The following RUNX2 variants were observed in gnomAD, a reference collection of about 807,000 sequenced individuals.
The protein encoded by RUNX2 is runt-related transcription factor 2.
Under a neutral mutation model 51.7 loss-of-function variants are expected in RUNX2, and 10 were observed. That is an observed-to-expected ratio of 0.19 (90% CI 0.12 to 0.33). The LOEUF (loss-of-function observed/expected upper bound fraction) is 0.33. RUNX2 is among the 10% of genes least tolerant of loss of function. The probability of loss-of-function intolerance (pLI) is 1.00; values close to 1 mark genes in which losing one functional copy is unlikely to be tolerated. For missense variants in RUNX2, 562 were observed against 691.3 expected, an observed-to-expected ratio of 0.81 and a Z score of 2.10; for synonymous variants, 276 against 273.6, an observed-to-expected ratio of 1.01 and a Z score of -0.09.
chr6:45,479,599 T>C (rs2150398936), intron 5 of RUNX2, among the ~76,000 whole-genome samples: 1 of 152,280 alleles, frequency 6.6e-6, no homozygotes, highest in African/African-American at 2.4e-5. Context: ...TATATGTACG[T>C]ATATGTGGAA....
At chr6:45,348,561 G>A (rs1479270201) in intron 2 of RUNX2, among the ~76,000 whole-genome samples, 1 of 148,576 alleles carries the variant, frequency 6.7e-6, no homozygotes, top group Non-Finnish European at 1.5e-5. Context: ...TGTAGTCCCA[G>A]CTACTCAGGA....
intron 5 of RUNX2, among the ~76,000 whole-genome samples, chr6:45,471,341 C>T (rs561144841): frequency 6.6e-6 from 1 of 152,104 alleles, no homozygotes; most frequent in East Asian, 1.9e-4. Context: ...GGGAATCATC[C>T]TCTTTCTAAG....
chr6:45,528,650 A>G (rs1276725226), intron 7 of RUNX2, among the ~76,000 whole-genome samples: 1 of 152,152 alleles, frequency 6.6e-6, no homozygotes, highest in Non-Finnish European at 1.5e-5. Context: ...TTCAATGGAA[A>G]GCATCATGCA....
At chr6:45,335,254 AT>A (rs1190139428) in intron 2 of RUNX2, among the ~76,000 whole-genome samples, 1 of 151,342 alleles carries the variant, frequency 6.6e-6, no homozygotes, top group Non-Finnish European at 1.5e-5. Flanking sequence ...AAGTGAAAAG[AT>A]ATAATTTTAC....
intron 5 of RUNX2, among the ~76,000 whole-genome samples, chr6:45,442,881 A>T (rs1798879867): frequency 6.6e-6 from 1 of 151,922 alleles, no homozygotes; most frequent in Admixed American, 6.6e-5. Flanking sequence ...GGAATGATGC[A>T]ACAGCAGGCC....
chr6:45,477,312 A>G lies in RUNX2; in HGVS notation c.686-14629A>G, dbSNP rs1413292254. 3.3e-5 allele frequency among the ~76,000 whole-genome samples: 5 copies of G among 152,288 alleles called. No homozygotes were observed. The East Asian group carries it at 9.7e-4, about 29-fold the overall frequency. Reference sequence around the variant, plus strand: ...TTCCCTGAGTGTCCTCATTGACACTATTAACTTCGTGTTCCCATGACCACT... The same window carrying G: ...TTCCCTGAGTGTCCTCATTGACACTGTTAACTTCGTGTTCCCATGACCACT... On this transcript the variant is annotated intron_variant, in intron 5 of 8. Coordinates refer to ENST00000647337, the MANE Select transcript of RUNX2 (RefSeq NM_001024630.4).
At chr6:45,439,056 A>C (rs778526341) in intron 5 of RUNX2, among the ~76,000 whole-genome samples, 2 of 152,126 alleles carry the variant, frequency 1.3e-5, no homozygotes, top group Non-Finnish European at 2.9e-5. Context: ...CTAAAATGAG[A>C]GAAAAGGTCT....
chr6:45,376,892 TATGTATATAC>T (rs1192216196), intron 2 of RUNX2, among the ~76,000 whole-genome samples: 6 of 152,174 alleles, frequency 3.9e-5, no homozygotes, highest in African/African-American at 1.4e-4. Context: ...TATACACACA[TATGTATATAC>T]ATATATATAC....
chr6:45,522,739 C>T (rs1801545707), intron 7 of RUNX2, among the ~76,000 whole-genome samples: 1 of 152,222 alleles, frequency 6.6e-6, no homozygotes, highest in South Asian at 2.1e-4. Context: ...CTCCGATGCT[C>T]AGCATGCATA....
intron 2 of RUNX2, among the ~76,000 whole-genome samples, chr6:45,360,529 T>C (rs929206646): frequency 6.6e-6 from 1 of 152,032 alleles, no homozygotes; most frequent in Non-Finnish European, 1.5e-5. Flanking sequence ...TCAGAGACTA[T>C]ACATATCAGG....
At chr6:45,409,051 A>T (rs987178743) in intron 2 of RUNX2, among the ~76,000 whole-genome samples, 1 of 152,208 alleles carries the variant, frequency 6.6e-6, no homozygotes, top group African/African-American at 2.4e-5. Context: ...TATGTCTAAC[A>T]TATCTCACAA....
intron 5 of RUNX2, among the ~76,000 whole-genome samples, chr6:45,451,417 A>G (rs936992397): frequency 1.3e-5 from 2 of 152,262 alleles, no homozygotes; most frequent in African/African-American, 2.4e-5. Context: ...GCTTATGTGG[A>G]CAATGAGAAG....
intron 2 of RUNX2, among the ~76,000 whole-genome samples, chr6:45,351,127 C>G (rs147132843): frequency 6.6e-6 from 1 of 152,144 alleles, no homozygotes; most frequent in African/African-American, 2.4e-5. Context: ...ATGCCTTCCA[C>G]GAAACTGGTC....
At chr6:45,485,695 G>GTATATATACATATA in intron 5 of RUNX2, among the ~76,000 whole-genome samples, 1 of 107,166 alleles carries the variant, frequency 9.3e-6, no homozygotes, top group Middle Eastern at 4.9e-3. Flanking sequence ...GTGTGTGTGT[G>GTATATATACATATA]TGTATATATA....
At chr6:45,543,756 T>C (rs1802304447) in intron 7 of RUNX2, among the ~76,000 whole-genome samples, 1 of 152,136 alleles carries the variant, frequency 6.6e-6, no homozygotes, top group Admixed American at 6.6e-5. Flanking sequence ...GCAGGGGTTC[T>C]AAAAGAAAAC....
intron 2 of RUNX2, among the ~76,000 whole-genome samples, chr6:45,393,543 C>A (rs1797517614): frequency 6.6e-6 from 1 of 152,110 alleles, no homozygotes; most frequent in Admixed American, 6.5e-5. Context: ...GATTCTCCTG[C>A]CTCAGCCTCC....
chr6:45,490,950 T>C (rs185085116), intron 5 of RUNX2, among the ~76,000 whole-genome samples: 2 of 152,340 alleles, frequency 1.3e-5, no homozygotes, highest in South Asian at 2.1e-4. Context: ...CACCACCCTA[T>C]AGATTTACTC....
intron 6 of RUNX2, among the ~76,000 whole-genome samples, chr6:45,511,269 C>T (rs1432748880): frequency 6.6e-6 from 1 of 152,090 alleles, no homozygotes; most frequent in Non-Finnish European, 1.5e-5. Flanking sequence ...CCTAGAGATA[C>T]ATCAAAAAAT....
At chr6:45,358,278 G>T (rs761142377) in intron 2 of RUNX2, among the ~76,000 whole-genome samples, 1 of 152,106 alleles carries the variant, frequency 6.6e-6, no homozygotes, top group Non-Finnish European at 1.5e-5. Flanking sequence ...TGTTTGCTAA[G>T]TTTATGGCTA....
Sources: allele counts gnomAD v4.1 joint callset (sites outside exome capture counted in the v4.1 genomes callset), GRCh38; gene constraint gnomAD v4.1.1; transcripts MANE v1.5; gene names NCBI Gene and HGNC (gene_info 2026-07-23, HGNC 2026-07-21).